Variants in MVK observed in about 807,000 individuals in gnomAD.
The protein encoded by MVK is mevalonate kinase.
A neutral mutation model predicts 43.2 loss-of-function variants in MVK; 34 were observed. The observed-to-expected ratio is 0.79, with a 90% confidence interval of 0.60 to 1.05. The LOEUF is 1.05. Ranked by LOEUF, MVK falls within the 50% of genes least tolerant of loss-of-function variation. MVK has a pLI of 0.00. For synonymous variants in MVK, 190 were observed against 219.8 expected, an observed-to-expected ratio of 0.86 and a Z score of 1.20; for missense variants, 395 against 504.0, an observed-to-expected ratio of 0.78 and a Z score of 2.07.
chr12:109,594,934 A>G lies in MVK; in HGVS notation c.886-94A>G, dbSNP rs1885849017. On this transcript the variant is annotated intron_variant, in intron 9 of 10. Coordinates refer to ENST00000228510, the MANE Select transcript of MVK (RefSeq NM_000431.4). ...CAAAGCCGTTGGCTGTCTCCAGCCA[A>G]CAACTGTCAGATGGACGAGGCAGGC... 3 of 1,539,304 alleles carry G rather than the reference A, an allele frequency of 1.9e-6. No homozygotes were observed. The African/African-American group carries it at 4.1e-5, about 21-fold the overall frequency.
intron 9 of MVK, among the ~76,000 whole-genome samples, 172 bp downstream of exon 9, chr12:109,591,529 G>A (rs1359373807): frequency 3.3e-5 from 5 of 152,222 alleles, no homozygotes; most frequent in Admixed American, 1.3e-4. Flanking sequence ...CCATATAAGC[G>A]TATCTTATTT....
intron 4 of MVK, 149 bp from the exon 5 acceptor site, chr12:109,581,246 A>C (rs748344498): frequency 2.1e-6 from 2 of 953,826 alleles, no homozygotes; most frequent in South Asian, 1.3e-5. Flanking sequence ...CTGATGTTCA[A>C]TAGGGATACA....
Position 109,586,142 on chromosome 12 carries a change from GTT to G in MVK, c.631+19_631+20del. On this transcript the variant is annotated intron_variant, in intron 6 of 10. Transcript: ENST00000228510. ...GCACCTGGGGTAGGTGTGGCCTCAG[GTT>G]TATTTTATTGTTGTTATTTTAAAAA... The G allele has an allele frequency of 1.3e-6, 2 of 1,587,352 alleles. No individual in the cohort carries two copies. Among genetic ancestry groups the G allele is most frequent in the Non-Finnish European group, 1.7e-6 (2 of 1,156,202 alleles).
At position 109,597,237 on chromosome 12, in the gene MVK, G is replaced by A. The variant is rs142493947; in HGVS notation, c.*660G>A. On this transcript the variant is annotated 3_prime_UTR_variant, in exon 11 of 11. Transcript: ENST00000228510. Reference sequence around the variant, plus strand: ...GAGGTTTGTGGAAAAGATGGCAAATGGGGAATAAAAAGATTTTGTGTCAAC... The same window carrying A: ...GAGGTTTGTGGAAAAGATGGCAAATAGGGAATAAAAAGATTTTGTGTCAAC... 1.1e-3 allele frequency: 165 copies of A among 157,112 alleles called. 2 individuals are homozygous for A. In the East Asian group the frequency reaches 0.027, roughly 26 times the overall value. 9.7% of individuals were successfully genotyped at this position (157,112 alleles called of 1,614,324 possible).
chr12:109,580,497 G>A (rs56152430), intron 4 of MVK, among the ~76,000 whole-genome samples: 2,094 of 152,266 alleles, frequency 0.014, 51 homozygotes, highest in African/African-American at 0.049. Flanking sequence ...TTGAGCAGCA[G>A]ATGCTGGCTC....
rs1203272762 is a variant in MVK at position 109,586,103 on chromosome 12, G to A, written c.609G>A (p.Val203=). The stretch of plus-strand genomic sequence containing the variant: ...TGATTCACGGGAACCCCTCCGGAGT[G>A]GACAATGCTGTCAGCACCTGGGGTA... ...ERMIHGNPSG[V]DNAVSTWGGA... Residue 203 remains valine (V), a synonymous_variant, in exon 6 of 11, where the codon GTG becomes GTA. Transcript: ENST00000228510. 6.2e-7 allele frequency: 1 copy of A among 1,614,044 alleles called. No homozygotes were observed. Among genetic ancestry groups the A allele is most frequent in the South Asian group, 1.1e-5 (1 of 91,082 alleles).
chr12:109,587,556 G>C (rs1445438036), intron 7 of MVK, among the ~76,000 whole-genome samples: 1 of 152,124 alleles, frequency 6.6e-6, no homozygotes, highest in Non-Finnish European at 1.5e-5. Context: ...CAAGTTGTGG[G>C]GTGGTGTTTG....
intron 3 of MVK, among the ~76,000 whole-genome samples, chr12:109,579,600 C>T (rs867371758): frequency 1.3e-5 from 2 of 152,202 alleles, no homozygotes; most frequent in South Asian, 2.1e-4. Context: ...TTAAGTCACA[C>T]GGCCAGTAAA....
rs1020477235 is a variant in MVK, at chr12:109,590,467, C to G, written c.678-304C>G. ...CAGAAAAACCTTCTCGGCCCTTCTC[C>G]CCTATCCCCTCTCTGGCCCCGGCCC... On this transcript the variant is annotated intron_variant, in intron 7 of 10. Transcript: ENST00000228510. 1.1e-5 allele frequency: 5 copies of G among 450,058 alleles called. No homozygotes were observed. In the Admixed American group the frequency reaches 1.4e-4, roughly 12 times the overall value. The allele number at this position is 450,058 out of a possible 1,614,324, so 27.9% of individuals were successfully genotyped here.
intron 9 of MVK, 49 bp from the exon 10 acceptor site, chr12:109,594,979 C>T (rs754901854): frequency 1.2e-6 from 2 of 1,612,666 alleles, no homozygotes; most frequent in Non-Finnish European, 8.5e-7. Context: ...GGCATAGGAC[C>T]TTGGCCTCAG....
In MVK at chr12:109,596,441, A is replaced by C. The variant is rs879219256; in HGVS notation, c.1055A>C (p.Glu352Ala). Residue 352 changes from glutamate (E) to alanine (A), a missense_variant, in exon 11 of 11, where the codon GAA becomes GCA. Transcript: ENST00000228510. ...CTCCCCGCAGGGCTGGAGCAGCCAG[A>C]AGTGGAGGCCACGAAGCAGGCCCTG... ...TLLKPGLEQP[E>A]VEATKQALTS... 1 of 1,613,622 alleles carries C rather than the reference A, an allele frequency of 6.2e-7. No homozygotes were observed. Among genetic ancestry groups the C allele is most frequent in the South Asian group, 1.1e-5 (1 of 91,086 alleles).
In MVK at chr12:109,586,241, A is replaced by G. The variant is rs188624323; in HGVS notation, c.631+116A>G. ...GGAATCGAATCAATGGATTCTGGAA[A>G]AAATAGCATTTTCCTATTTTGGGGG... On this transcript the variant is annotated intron_variant, in intron 6 of 10. Coordinates refer to ENST00000228510, the MANE Select transcript of MVK (RefSeq NM_000431.4). 9.0e-5 allele frequency: 80 copies of G among 885,134 alleles called. No homozygotes were observed. The East Asian group carries it at 2.0e-3, about 22-fold the overall frequency. The allele number at this position is 885,134 out of a possible 1,614,324, so 54.8% of individuals were successfully genotyped here.
In MVK at chr12:109,590,773, C is replaced by T. The variant is rs201360189; in HGVS notation, c.680C>T (p.Ser227Leu). ...HQGKISSLKR[S>L]PALQILLTNT... ...CCTGCCTCCTCTTCACCCTGCAGGT[C>T]GCCAGCTCTCCAGATCCTGCTGACC... Residue 227 changes from serine to leucine, a missense_variant and splice_region_variant, in exon 8 of 11, where the codon TCG becomes TTG. Coordinates refer to ENST00000228510, the MANE Select transcript of MVK (RefSeq NM_000431.4). 173 of 1,613,924 alleles carry T rather than the reference C, an allele frequency of 1.1e-4. 1 individual carries two copies. Among genetic ancestry groups the T allele is most frequent in the Non-Finnish European group, 1.0e-4 (118 of 1,179,970 alleles).
chr12:109,581,304 T>A (rs569088443), intron 4 of MVK, 91 bp from the exon 5 acceptor site: 1 of 1,543,098 alleles, frequency 6.5e-7, no homozygotes, highest in East Asian at 2.2e-5. Context: ...GACCAGATGC[T>A]TGGAGTCAGG....
At chr12:109,580,446 G>T (rs2136225461) in intron 4 of MVK, among the ~76,000 whole-genome samples, 2 of 152,128 alleles carry the variant, frequency 1.3e-5, no homozygotes, top group Non-Finnish European at 2.9e-5. Flanking sequence ...TTTTTGTCCA[G>T]AACCCAAAGG....
At chr12:109,594,439 G>T (rs11067390) in intron 9 of MVK, among the ~76,000 whole-genome samples, 5,312 of 152,286 alleles carry the variant, frequency 0.035, 139 homozygotes, top group Middle Eastern at 0.068. Context: ...GCTGTAGGGA[G>T]GCATGTTATT....
At chr12:109,578,349 A>G (rs900962453) in intron 3 of MVK, among the ~76,000 whole-genome samples, 2 of 151,278 alleles carry the variant, frequency 1.3e-5, no homozygotes, top group African/African-American at 2.4e-5. Flanking sequence ...CTTCTGCCTT[A>G]GCCTCCCGAG....
At chr12:109,581,636 C>G in intron 5 of MVK, 86 bp downstream of exon 5, 1 of 1,573,240 alleles carries the variant, frequency 6.4e-7, no homozygotes, top group Non-Finnish European at 8.7e-7. Flanking sequence ...CACCACCTCC[C>G]TGTGAGGTGA....
rs188368642 is a variant in MVK at position 109,596,653 on chromosome 12, G to T, written c.*76G>T. On this transcript the variant is annotated 3_prime_UTR_variant, in exon 11 of 11. Transcript: ENST00000228510. ...TCTGGGGGCTGCAGTTCGACTCTGT[G>T]CTGGCCAGCGAGCGCCCAGCTCCTG... The T allele has an allele frequency of 3.4e-4, 537 of 1,569,694 alleles. 4 individuals are homozygous for T. The African/African-American group carries it at 6.1e-3, about 18-fold the overall frequency.
Sources: allele counts gnomAD v4.1 joint callset (sites outside exome capture counted in the v4.1 genomes callset), GRCh38; gene constraint gnomAD v4.1.1; transcripts MANE v1.5; gene names NCBI Gene and HGNC (gene_info 2026-07-23, HGNC 2026-07-21).